The following ANKDD1A variants were observed in gnomAD, a reference collection of about 807,000 sequenced individuals.
ANKDD1A encodes the protein ankyrin repeat and death domain containing 1A, also known as ankyrin repeat and death domain-containing protein 1A.
ANKDD1A carries 59 observed loss-of-function variants against 63.5 expected under a neutral mutation model. That is an observed-to-expected ratio of 0.93 (90% CI 0.75 to 1.15). The LOEUF is 1.15. ANKDD1A is among the 50% of genes most tolerant of loss of function. ANKDD1A has a pLI of 0.00. For synonymous variants in ANKDD1A, 266 were observed against 263.9 expected, an observed-to-expected ratio of 1.01 and a Z score of -0.08; for missense variants, 632 against 656.4, an observed-to-expected ratio of 0.96 and a Z score of 0.41.
At chr15:64,930,977 G>A (rs1270588417) in intron 7 of ANKDD1A, 57 bp downstream of exon 7, 21 of 1,550,482 alleles carry the variant, frequency 1.4e-5, no homozygotes, top group Non-Finnish European at 1.7e-5. Context: ...CTCTGCCTTC[G>A]AGGAACCCCC....
chr15:64,954,493 CCTTCTT>C (rs1237470778), intron 14 of ANKDD1A, among the ~76,000 whole-genome samples: 1 of 137,312 alleles, frequency 7.3e-6, no homozygotes, highest in Non-Finnish European at 1.6e-5. Context: ...TCTTCCTTCT[CCTTCTT>C]CTTCCTTCTT....
intron 1 of ANKDD1A, among the ~76,000 whole-genome samples, chr15:64,913,114 A>G (rs539163094): frequency 6.6e-6 from 1 of 152,254 alleles, no homozygotes; most frequent in East Asian, 1.9e-4. Flanking sequence ...CTGGCTTCCC[A>G]TTGGAACTCC....
At chr15:64,920,449 G>C (rs1290623641) in intron 3 of ANKDD1A, among the ~76,000 whole-genome samples, 1 of 152,198 alleles carries the variant, frequency 6.6e-6, no homozygotes, top group Non-Finnish European at 1.5e-5. Context: ...AGCTCGAGGA[G>C]GCATTTCTAA....
intron 1 of ANKDD1A, 117 bp from the exon 2 acceptor site, chr15:64,915,680 C>G: frequency 1.2e-6 from 1 of 826,778 alleles, no homozygotes; most frequent in Admixed American, 2.0e-5. Context: ...GCCCCTGTTC[C>G]TAGCTGAAAG....
At chr15:64,954,512 CCT>C (rs1191209326) in intron 14 of ANKDD1A, among the ~76,000 whole-genome samples, 23 of 119,982 alleles carry the variant, frequency 1.9e-4, no homozygotes, top group South Asian at 3.2e-4. Flanking sequence ...TCCTTCTTCT[CCT>C]CTTTCTTCTC....
chr15:64,944,738 A>G lies in ANKDD1A; in HGVS notation c.1152A>G (p.Arg384=), dbSNP rs1227277234. 6 of 1,613,990 alleles carry G rather than the reference A, an allele frequency of 3.7e-6. No individual in the cohort carries two copies. The highest frequency in any genetic ancestry group is 5.1e-6 in the Non-Finnish European group (6 of 1,179,888). The part of the protein sequence containing the change: ...DMIIKADRFY[R]WEKDHPSDPS... ...TCATAAAAGCTGATCGTTTCTACAGATGGGAGAAGGTACGGAGGCCTCACG... is the reference window on the plus strand; with the variant it reads ...TCATAAAAGCTGATCGTTTCTACAGGTGGGAGAAGGTACGGAGGCCTCACG... The change falls in exon 12 of 15, where the codon AGA becomes AGG. Residue 384 remains arginine (R), a synonymous_variant. Coordinates refer to ENST00000319580, the MANE Select transcript of ANKDD1A (RefSeq NM_182703.6).
At chr15:64,953,658 T>TTCAGC (rs1447605068) in intron 14 of ANKDD1A, among the ~76,000 whole-genome samples, 24 of 130,802 alleles carry the variant, frequency 1.8e-4, no homozygotes, top group Non-Finnish European at 3.4e-4. Context: ...TTCTCCTTCT[T>TTCAGC]TTCTTTCTTC....
At position 64,947,461 on chromosome 15, in the gene ANKDD1A, GA is replaced by G. The variant is rs1409179619; in HGVS notation, c.1222del (p.Thr408HisfsTer107). Reference protein sequence around the residue: ...SLSFKQDHRQETQQLRSVLWR... With the variant: ...SLSFKQDHRQXTQQLRSVLWR... ...GTCCTTTAAGCAGGACCATCGGCAG[GA>G]AACACAGCAGCTCCGTTCTGTGCTG... On this transcript the variant is annotated frameshift_variant, in exon 13 of 15. Coordinates refer to ENST00000319580, the MANE Select transcript of ANKDD1A (RefSeq NM_182703.6). LOFTEE classifies it high-confidence loss of function. 8.7e-6 allele frequency: 14 copies of G among 1,613,994 alleles called. No homozygotes were observed. The highest frequency in any genetic ancestry group is 1.2e-5 in the Non-Finnish European group (14 of 1,180,010).
intron 1 of ANKDD1A, among the ~76,000 whole-genome samples, chr15:64,914,376 C>G (rs943198004): frequency 2.0e-5 from 3 of 152,250 alleles, no homozygotes; most frequent in African/African-American, 7.2e-5. Flanking sequence ...CAGCCTCAAA[C>G]TCCTGGGCTC....
chr15:64,933,985 A>G (rs1028867169), intron 8 of ANKDD1A, 151 bp from the exon 9 acceptor site: 2 of 556,898 alleles, frequency 3.6e-6, no homozygotes, highest in Middle Eastern at 2.7e-4. Context: ...GAGACCTGGG[A>G]AAGTCATTGA....
intron 14 of ANKDD1A, among the ~76,000 whole-genome samples, chr15:64,956,846 C>T (rs905989603): frequency 3.9e-5 from 6 of 152,090 alleles, no homozygotes; most frequent in Non-Finnish European, 8.8e-5. Context: ...AGCCACGGAG[C>T]CCAGCCATTT....
chr15:64,952,721 T>C (rs1428103997), intron 14 of ANKDD1A, among the ~76,000 whole-genome samples: 3 of 140,072 alleles, frequency 2.1e-5, no homozygotes, highest in South Asian at 2.3e-4. Context: ...CTTTCTTCTT[T>C]CTTCTTCTCC....
At chr15:64,953,655 T>TCTTCTTTCTC (rs1555397883) in intron 14 of ANKDD1A, among the ~76,000 whole-genome samples, 2 of 35,534 alleles carry the variant, frequency 5.6e-5, no homozygotes, top group Admixed American at 7.2e-4. Context: ...TCCTTCTCCT[T>TCTTCTTTCTC]CTTTTCTTTC....
chr15:64,934,990 C>T lies in ANKDD1A; in HGVS notation c.867+756C>T, dbSNP rs530883423. ...CTGTAATCTCAGCACTATGGGAGGC[C>T]GAGGCTGGAGTATTGCTTGATCTCA... On this transcript the variant is annotated intron_variant, in intron 9 of 14. Coordinates refer to ENST00000319580, the MANE Select transcript of ANKDD1A (RefSeq NM_182703.6). Among the ~76,000 whole-genome samples, 9 of 152,052 alleles carry T rather than the reference C, an allele frequency of 5.9e-5. No individual in the cohort carries two copies. In the South Asian group the frequency reaches 1.5e-3, roughly 25 times the overall value.
chr15:64,916,014 T>A (rs998831020), intron 2 of ANKDD1A, 114 bp downstream of exon 2: 3 of 1,036,550 alleles, frequency 2.9e-6, no homozygotes, highest in Admixed American at 4.8e-5. Flanking sequence ...ATGTGTAAAC[T>A]TGGAGGGAGG....
intron 1 of ANKDD1A, among the ~76,000 whole-genome samples, chr15:64,912,677 A>G (rs2084940566): frequency 6.6e-6 from 1 of 152,220 alleles, no homozygotes; most frequent in African/African-American, 2.4e-5. Context: ...CTGCACTGTG[A>G]GTCCTTGATC....
intron 3 of ANKDD1A, among the ~76,000 whole-genome samples, chr15:64,921,580 G>GC (rs2085006779): frequency 1.3e-5 from 2 of 152,018 alleles, no homozygotes; most frequent in Non-Finnish European, 2.9e-5. Context: ...TCACCATATT[G>GC]GCCAGGCTGG....
chr15:64,930,804 G>C lies in ANKDD1A; in HGVS notation c.571-18G>C. ...ACTCTCTGGTCTGCTGGCCTCTCAG[G>C]AGCCCTTTTTCCTGCAGGAGGGGAA... On this transcript the variant is annotated intron_variant, in intron 6 of 14. Transcript: ENST00000319580. 1 of 1,608,478 alleles carries C rather than the reference G, an allele frequency of 6.2e-7. No individual in the cohort carries two copies. The highest frequency in any genetic ancestry group is 8.5e-7 in the Non-Finnish European group (1 of 1,178,558).
intron 14 of ANKDD1A, among the ~76,000 whole-genome samples, chr15:64,952,639 T>TCTTC (rs1453421251): frequency 3.9e-3 from 34 of 8,630 alleles, no homozygotes; most frequent in Admixed American, 0.022. Context: ...TTTTCTTTCT[T>TCTTC]CTTCTCCTTC....
Sources: allele counts gnomAD v4.1 joint callset (sites outside exome capture counted in the v4.1 genomes callset), GRCh38; gene constraint gnomAD v4.1.1; transcripts MANE v1.5; gene names NCBI Gene and HGNC (gene_info 2026-07-23, HGNC 2026-07-21).